Variants in CFAP97D2 observed in about 807,000 individuals in gnomAD.
The protein encoded by CFAP97D2 is uncharacterized protein CFAP97D2.
chr13:114,219,730 G>C (rs893289835), intron 4 of CFAP97D2, among the ~76,000 whole-genome samples: 3 of 152,204 alleles, frequency 2.0e-5, no homozygotes, highest in Non-Finnish European at 4.4e-5. Flanking sequence ...CCTGTACCTG[G>C]ACAAAAACGG....
At chr13:114,217,468 C>G (rs1332315803) in intron 4 of CFAP97D2, among the ~76,000 whole-genome samples, 1 of 152,212 alleles carries the variant, frequency 6.6e-6, no homozygotes, top group Non-Finnish European at 1.5e-5. Flanking sequence ...TGATACCATT[C>G]TTTCTGAAAC....
chr13:114,183,428 A>C (rs1360400632), intron 1 of CFAP97D2, among the ~76,000 whole-genome samples: 1 of 152,086 alleles, frequency 6.6e-6, no homozygotes, highest in Non-Finnish European at 1.5e-5. Flanking sequence ...TCGACCTCCC[A>C]AAGTGCTAGG....
intron 3 of CFAP97D2, among the ~76,000 whole-genome samples, chr13:114,204,807 C>A (rs916266720): frequency 6.6e-6 from 1 of 151,964 alleles, no homozygotes; most frequent in Non-Finnish European, 1.5e-5. Context: ...GCAGGAATGA[C>A]AAACAAGAAG....
chr13:114,220,706 T>C (rs2081017685), intron 4 of CFAP97D2, among the ~76,000 whole-genome samples: 1 of 152,202 alleles, frequency 6.6e-6, no homozygotes, highest in African/African-American at 2.4e-5. Flanking sequence ...GAAGCAAAAA[T>C]TAAACAAACA....
At chr13:114,208,604 G>C (rs2138779170) in intron 3 of CFAP97D2, among the ~76,000 whole-genome samples, 1 of 152,276 alleles carries the variant, frequency 6.6e-6, no homozygotes, top group East Asian at 1.9e-4. Context: ...GTTTCTCTTG[G>C]TGATAAAGTC....
Position 114,185,087 on chromosome 13 carries a change from C to T in CFAP97D2, c.90+5667C>T, listed in dbSNP as rs1807472619. 6.6e-6 allele frequency among the ~76,000 whole-genome samples: 1 copy of T among 152,196 alleles called. No individual in the cohort carries two copies. Among genetic ancestry groups the T allele is most frequent in the Non-Finnish European group, 1.5e-5 (1 of 68,034 alleles). ...GTAACAGCGGTGGGACCTCTGTGTC[C>T]CACATCCCCAAGGCAGCCAACTGTG... is the stretch of plus-strand genomic sequence containing the variant. On this transcript the variant is annotated intron_variant, in intron 1 of 4. Transcript: ENST00000646158. The surrounding 1 kb of genome is among the most constrained non-coding windows in gnomAD (Gnocchi z 5.2).
chr13:114,204,611 A>C (rs2080931554), intron 3 of CFAP97D2, among the ~76,000 whole-genome samples: 1 of 152,238 alleles, frequency 6.6e-6, no homozygotes, highest in Non-Finnish European at 1.5e-5. Flanking sequence ...AAATGCTGAG[A>C]CAACTCTATC....
intron 2 of CFAP97D2, among the ~76,000 whole-genome samples, chr13:114,198,500 G>C (rs201582938): frequency 1.3e-5 from 2 of 152,156 alleles, no homozygotes; most frequent in Admixed American, 1.3e-4. Flanking sequence ...TTCCTCATTA[G>C]CACCACCGCC....
At chr13:114,221,351 A>G (rs1416486467) in intron 4 of CFAP97D2, among the ~76,000 whole-genome samples, 6 of 152,258 alleles carry the variant, frequency 3.9e-5, no homozygotes. Context: ...TCCAGCAACA[A>G]GCCAACATGG....
In CFAP97D2 at chr13:114,207,058, C is replaced by G. The variant is rs1258122734; in HGVS notation, c.291-4854C>G. ...AGGGGATAAAAGAAAGAAGCTGTGGCCCTGGCACAGGCTGCCAAGCATCAC... is the reference window on the plus strand; with the variant it reads ...AGGGGATAAAAGAAAGAAGCTGTGGGCCTGGCACAGGCTGCCAAGCATCAC... On this transcript the variant is annotated intron_variant, in intron 3 of 4. Coordinates refer to ENST00000646158, the Ensembl canonical transcript of CFAP97D2. This position sits in a 1 kb window ranked among gnomAD's most constrained non-coding sequence, Gnocchi z 4.9. Among the ~76,000 whole-genome samples, 3 of 152,200 alleles carry G rather than the reference C, an allele frequency of 2.0e-5. No homozygotes were observed. Among genetic ancestry groups the G allele is most frequent in the Non-Finnish European group, 2.9e-5 (2 of 68,028 alleles).
intron 1 of CFAP97D2, among the ~76,000 whole-genome samples, chr13:114,180,421 G>C (rs2080828042): frequency 6.6e-6 from 1 of 151,890 alleles, no homozygotes; most frequent in Admixed American, 6.6e-5. Context: ...TGTCTCCTTT[G>C]AGGTCCCCAC....
intron 3 of CFAP97D2, among the ~76,000 whole-genome samples, chr13:114,205,107 C>T (rs189739420): frequency 5.3e-5 from 8 of 152,236 alleles, no homozygotes; most frequent in Admixed American, 2.6e-4. Flanking sequence ...AAATGCAAAT[C>T]GAAACCACAA....
chr13:114,179,308 A>C (rs1187490140), upstream of CFAP97D2: 1 of 398,582 alleles, frequency 2.5e-6, no homozygotes, highest in Non-Finnish European at 4.4e-6. The surrounding 1 kb of genome is among the most constrained non-coding windows in gnomAD (Gnocchi z 4.8). Flanking sequence ...GTCTGGAATG[A>C]GCAAGACGAT....
rs1331013162 is a variant in CFAP97D2 at position 114,185,910 on chromosome 13, T to A, written c.90+6490T>A. The stretch of plus-strand genomic sequence containing the variant: ...CAGACGGACTCCTGGGCAGAAGGGG[T>A]CAGGTTCCTGGTGAAGCCCCACCTT... On this transcript the variant is annotated intron_variant, in intron 1 of 4. Coordinates refer to ENST00000646158, the Ensembl canonical transcript of CFAP97D2. This position sits in a 1 kb window ranked among gnomAD's most constrained non-coding sequence, Gnocchi z 5.2. 6.6e-6 allele frequency among the ~76,000 whole-genome samples: 1 copy of A among 152,108 alleles called. No homozygotes were observed. Among genetic ancestry groups the A allele is most frequent in the Non-Finnish European group, 1.5e-5 (1 of 68,012 alleles).
chr13:114,200,876 T>G (rs1261522847), intron 3 of CFAP97D2, among the ~76,000 whole-genome samples: 1 of 152,232 alleles, frequency 6.6e-6, no homozygotes, highest in Non-Finnish European at 1.5e-5. Flanking sequence ...GCCCTGCTCA[T>G]GCAGTTCTCA....
At chr13:114,201,096 C>CT (rs1422086451) in intron 3 of CFAP97D2, among the ~76,000 whole-genome samples, 5 of 152,110 alleles carry the variant, frequency 3.3e-5, no homozygotes, top group Admixed American at 2.0e-4. Flanking sequence ...TATCAGCAGG[C>CT]TTTCATACTC....
At chr13:114,219,348 G>C (rs1460149685) in intron 4 of CFAP97D2, among the ~76,000 whole-genome samples, 1 of 152,094 alleles carries the variant, frequency 6.6e-6, no homozygotes, top group African/African-American at 2.4e-5. Context: ...TGGCTCTTTT[G>C]TTTTCATTTC....
At chr13:114,221,414 T>C (rs896198935) in intron 4 of CFAP97D2, among the ~76,000 whole-genome samples, 2 of 152,228 alleles carry the variant, frequency 1.3e-5, no homozygotes, top group Non-Finnish European at 2.9e-5. Flanking sequence ...GAAAGATGTT[T>C]AACAACAAAA....
At chr13:114,215,436 T>G (rs1016958365) in intron 4 of CFAP97D2, among the ~76,000 whole-genome samples, 1 of 152,238 alleles carries the variant, frequency 6.6e-6, no homozygotes, top group Non-Finnish European at 1.5e-5. Context: ...ATTTCCCTTA[T>G]GGCATCTGGT....
Sources: gnomAD v4.1 joint callset for allele counts (sites outside exome capture counted in the v4.1 genomes callset) on GRCh38, gnomAD v4.1.1 for gene constraint, Gnocchi (gnomAD v3.1) non-coding constraint, MANE v1.5 for transcripts, NCBI Gene and HGNC (gene_info 2026-07-23, HGNC 2026-07-21) for gene names.